WDR48: variants seen among roughly 807,000 people sequenced by gnomAD.
The protein encoded by WDR48 is WD repeat-containing protein 48.
Under a neutral mutation model 94.0 loss-of-function variants are expected in WDR48, and 22 were observed. That is an observed-to-expected ratio of 0.23 (90% CI 0.17 to 0.33). The LOEUF is 0.33. WDR48 is among the 10% of genes least tolerant of loss of function. The probability of loss-of-function intolerance (pLI) is 1.00; values close to 1 mark genes in which losing one functional copy is unlikely to be tolerated. For synonymous variants in WDR48, 278 were observed against 280.5 expected (o/e 0.99, Z 0.09); for missense variants, 541 against 813.8 (o/e 0.66, Z 4.08).
chr3:39,076,822 A>T (rs77826487), intron 8 of WDR48, among the ~76,000 whole-genome samples: 4,378 of 152,290 alleles, frequency 0.029, 209 homozygotes, highest in African/African-American at 0.1. Flanking sequence ...AAACTGGAGT[A>T]ACAAGAAGAG....
At chr3:39,061,980 T>C (rs1301029617) in intron 1 of WDR48, among the ~76,000 whole-genome samples, 1 of 152,236 alleles carries the variant, frequency 6.6e-6, no homozygotes, top group East Asian at 1.9e-4. Context: ...TTGTTTAAGT[T>C]CTTTGTAGAT....
At position 39,074,885 on chromosome 3, in the gene WDR48, T is replaced by G; in HGVS notation, c.832T>G (p.Cys278Gly). 6.2e-7 allele frequency: 1 copy of G among 1,614,226 alleles called. No homozygotes were observed. The highest frequency in any genetic ancestry group is 8.5e-7 in the Non-Finnish European group (1 of 1,180,034). The change falls in exon 8 of 19, where the codon TGT (cysteine) becomes GGT (glycine). Residue 278 changes from cysteine (C) to glycine (G), a missense_variant. Cys to Gly is a radical substitution (Grantham distance 159). This residue lies in a region of WDR48 where 238 missense variants were observed against 285.3 expected (regional missense o/e 0.83). Coordinates refer to ENST00000302313, the MANE Select transcript of WDR48 (RefSeq NM_020839.4). ...TGGTGGAAGGGACAGGAAGATTTAT[T>G]GTACAGACCTAAGAAACCCTGACAT... is the stretch of plus-strand genomic sequence containing the variant. ...YSGGRDRKIY[C>G]TDLRNPDIRV...
intron 1 of WDR48, among the ~76,000 whole-genome samples, chr3:39,054,861 C>T (rs1371692214): frequency 6.6e-6 from 1 of 152,174 alleles, no homozygotes; most frequent in African/African-American, 2.4e-5. Context: ...GGCATATTCC[C>T]ATTTCCACAA....
At position 39,088,854 on chromosome 3, in the gene WDR48, C is replaced by T. The variant is rs1362690959; in HGVS notation, c.1581-377C>T. On this transcript the variant is annotated intron_variant, in intron 15 of 18. Transcript: ENST00000302313. ...CTTGAGTGCAGGATTATCTATCTTT[C>T]TGATAGTTTCCTGAGTGGTTACCAG... 3.9e-5 allele frequency among the ~76,000 whole-genome samples: 6 copies of T among 152,342 alleles called. No individual in the cohort carries two copies. The South Asian group carries it at 1.0e-3, about 26-fold the overall frequency.
chr3:39,065,651 G>A, intron 2 of WDR48, 160 bp from the exon 3 acceptor site: 1 of 472,038 alleles, frequency 2.1e-6, no homozygotes, highest in Non-Finnish European at 3.7e-6. Flanking sequence ...CTGTTATCTG[G>A]AAGCATCACC....
intron 16 of WDR48, chr3:39,089,994 G>T (rs953576623): frequency 6.6e-6 from 1 of 152,080 alleles, no homozygotes; most frequent in African/African-American, 2.4e-5. Context: ...TGCTTTTTAG[G>T]ATAAATTCCT....
chr3:39,069,575 G>A (rs1287540954), intron 6 of WDR48, 68 bp from the exon 7 acceptor site: 15 of 1,319,082 alleles, frequency 1.1e-5, no homozygotes, highest in Non-Finnish European at 1.6e-5. Context: ...TGACTTATGA[G>A]AGTTGTCTGT....
Position 39,065,907 on chromosome 3 carries a change from T to C in WDR48, c.268+18T>C. ...GAAAACATGTAAGTATTTCTTTGGATTATTATTGGGCTTCTGATATATTTT... is the reference window on the plus strand; with the variant it reads ...GAAAACATGTAAGTATTTCTTTGGACTATTATTGGGCTTCTGATATATTTT... On this transcript the variant is annotated intron_variant, in intron 3 of 18. Transcript: ENST00000302313. The C allele has an allele frequency of 6.4e-7, 1 of 1,553,504 alleles. No homozygotes were observed.
At chr3:39,067,094 G>C (rs2033654130) in intron 5 of WDR48, among the ~76,000 whole-genome samples, 2 of 152,130 alleles carry the variant, frequency 1.3e-5, no homozygotes, top group African/African-American at 4.8e-5. Flanking sequence ...GTATAACCTG[G>C]TTATTTTTTG....
intron 10 of WDR48, among the ~76,000 whole-genome samples, chr3:39,078,523 A>G (rs1339097198): frequency 6.6e-6 from 1 of 151,850 alleles, no homozygotes; most frequent in Non-Finnish European, 1.5e-5. Context: ...GGTTCAAGCC[A>G]TTATCTTGCC....
intron 14 of WDR48, 143 bp from the exon 15 acceptor site, chr3:39,087,985 T>C (rs913880844): frequency 2.8e-6 from 2 of 709,720 alleles, no homozygotes; most frequent in Admixed American, 2.9e-5. Flanking sequence ...TAACTTGTTT[T>C]TAACCTTTAT....
chr3:39,069,772 T>A, intron 7 of WDR48, 28 bp downstream of exon 7: 1 of 1,583,268 alleles, frequency 6.3e-7, no homozygotes, highest in Non-Finnish European at 8.6e-7. Flanking sequence ...GGTGTTTACC[T>A]AATAACCTTG....
intron 11 of WDR48, among the ~76,000 whole-genome samples, chr3:39,081,500 G>A (rs1193685047): frequency 6.6e-6 from 1 of 152,194 alleles, no homozygotes; most frequent in African/African-American, 2.4e-5. Flanking sequence ...ATAGAGAGAT[G>A]CCTGTTGGGG....
chr3:39,083,671 A>G (rs1440971555), intron 11 of WDR48, among the ~76,000 whole-genome samples: 3 of 152,214 alleles, frequency 2.0e-5, no homozygotes, highest in African/African-American at 7.2e-5. Context: ...TCAAGTCTCC[A>G]GTAAATGAGG....
At chr3:39,083,485 G>A (rs767834887) in intron 11 of WDR48, among the ~76,000 whole-genome samples, 132 of 152,310 alleles carry the variant, frequency 8.7e-4, no homozygotes, top group Admixed American at 2.1e-3. Flanking sequence ...AAGGGACACC[G>A]TTTTCCTTGC....
At chr3:39,088,384 A>C in intron 15 of WDR48, 151 bp downstream of exon 15, 1 of 718,116 alleles carries the variant, frequency 1.4e-6, no homozygotes, top group Non-Finnish European at 2.3e-6. Context: ...TCCATGAGAT[A>C]GTGAAATGTC....
At chr3:39,074,441 G>A (rs1002263898) in intron 7 of WDR48, among the ~76,000 whole-genome samples, 1 of 152,096 alleles carries the variant, frequency 6.6e-6, no homozygotes, top group Non-Finnish European at 1.5e-5. Context: ...TACTTATTTA[G>A]GAAAAAGAGA....
chr3:39,088,132 T>C lies in WDR48; in HGVS notation c.1479T>C (p.Asn493=). 2.5e-6 allele frequency: 4 copies of C among 1,614,064 alleles called. No homozygotes were observed. Among genetic ancestry groups the C allele is most frequent in the Non-Finnish European group, 3.4e-6 (4 of 1,179,998 alleles). ...DEEENEVNHV[N]GEQENRVQKG... ...ACCACCTGCATCTTTTCCTAGTAAA[T>C]GGGGAGCAGGAGAACCGAGTGCAGA... The change falls in exon 15 of 19, where the codon AAT becomes AAC. Residue 493 remains asparagine, a synonymous_variant. Coordinates refer to ENST00000302313, the MANE Select transcript of WDR48 (RefSeq NM_020839.4).
chr3:39,066,205 T>TAA (rs2033595655), intron 3 of WDR48, among the ~76,000 whole-genome samples: 1 of 152,226 alleles, frequency 6.6e-6, no homozygotes. Context: ...TTTAGCCTTA[T>TAA]TAATACCTCT....
Sources: allele counts gnomAD v4.1 joint callset (sites outside exome capture counted in the v4.1 genomes callset), GRCh38; gene constraint gnomAD v4.1.1; regional missense constraint gnomAD v4.1.1; transcripts MANE v1.5; gene names NCBI Gene and HGNC (gene_info 2026-07-23, HGNC 2026-07-21).